Variants in RAB3C observed in about 807,000 individuals in gnomAD.
RAB3C encodes the protein ras-related protein Rab-3C.
In RAB3C, 17 loss-of-function variants were observed where a neutral mutation model predicts 26.4. That is an observed-to-expected ratio of 0.64 (90% CI 0.44 to 0.97). The LOEUF is 0.97. Ranked by LOEUF, RAB3C falls within the 50% of genes least tolerant of loss-of-function variation. The probability of loss-of-function intolerance (pLI) is 0.00; values close to 1 mark genes in which losing one functional copy is unlikely to be tolerated. For synonymous variants in RAB3C, 91 were observed against 95.9 expected (o/e 0.95, Z 0.30); for missense variants, 242 against 281.9 (o/e 0.86, Z 1.01).
At chr5:58,708,261 A>T (rs1334857345) in intron 2 of RAB3C, among the ~76,000 whole-genome samples, 1 of 152,188 alleles carries the variant, frequency 6.6e-6, no homozygotes, top group African/African-American at 2.4e-5. Context: ...AAGTGCTAGG[A>T]TTACAGGCAT....
chr5:58,817,454 C>A (rs1450478457), intron 3 of RAB3C, among the ~76,000 whole-genome samples: 1 of 152,074 alleles, frequency 6.6e-6, no homozygotes, highest in African/African-American at 2.4e-5. Flanking sequence ...CTAAAACTAC[C>A]TATTAGCATT....
chr5:58,694,383 G>A (rs977205157), intron 2 of RAB3C, among the ~76,000 whole-genome samples: 11 of 152,040 alleles, frequency 7.2e-5, no homozygotes, highest in East Asian at 3.9e-4. Context: ...GAATAGTGCC[G>A]CAATAAACAT....
chr5:58,764,402 T>C (rs1053724353), intron 3 of RAB3C, among the ~76,000 whole-genome samples: 2 of 152,206 alleles, frequency 1.3e-5, no homozygotes, highest in African/African-American at 4.8e-5. Flanking sequence ...ACATGATCAC[T>C]TGTGCAATTC....
At chr5:58,590,175 A>G (rs1290417598) in intron 1 of RAB3C, among the ~76,000 whole-genome samples, 2 of 152,132 alleles carry the variant, frequency 1.3e-5, no homozygotes, top group Non-Finnish European at 2.9e-5. Flanking sequence ...TGCATATAAA[A>G]ATTTTTCTAT....
At position 58,626,826 on chromosome 5, in the gene RAB3C, T is replaced by G. The variant is rs190153097; in HGVS notation, c.252+8956T>G. ...TTCTGAAATAGCAAGTAGTAGTACT[T>G]TTTTTGGTAAATAAATTGCCAGTTT... On this transcript the variant is annotated intron_variant, in intron 2 of 4. Transcript: ENST00000282878. 3.9e-5 allele frequency among the ~76,000 whole-genome samples: 6 copies of G among 152,278 alleles called. No homozygotes were observed. The East Asian group carries it at 1.2e-3, about 29-fold the overall frequency.
At chr5:58,823,159 T>G (rs1028874164) in intron 3 of RAB3C, 3 of 362,556 alleles carry the variant, frequency 8.3e-6, no homozygotes, top group African/African-American at 6.4e-5. Context: ...CAGATGAAGA[T>G]GCTTACAAGA....
chr5:58,841,833 C>T (rs114077756), intron 4 of RAB3C, among the ~76,000 whole-genome samples: 408 of 152,270 alleles, frequency 2.7e-3, no homozygotes, highest in African/African-American at 9.1e-3. Context: ...TCAAATCACC[C>T]TATGTGTGTC....
intron 4 of RAB3C, among the ~76,000 whole-genome samples, chr5:58,826,412 T>C (rs903505071): frequency 1.3e-5 from 2 of 152,118 alleles, no homozygotes; most frequent in African/African-American, 4.8e-5. Context: ...TAGCAGAAAG[T>C]TGCAGAACTG....
intron 3 of RAB3C, among the ~76,000 whole-genome samples, chr5:58,791,158 A>G (rs772559688): frequency 2.6e-5 from 4 of 151,938 alleles, no homozygotes; most frequent in Non-Finnish European, 4.4e-5. Context: ...CTGTCCCTCC[A>G]GTTCTTAGTC....
chr5:58,736,509 C>T (rs556493620), intron 3 of RAB3C, among the ~76,000 whole-genome samples: 9 of 152,292 alleles, frequency 5.9e-5, no homozygotes, highest in Admixed American at 2.0e-4. Flanking sequence ...GAGTATACTT[C>T]GGCTTTGCAA....
intron 3 of RAB3C, chr5:58,784,678 G>C (rs1420322452): frequency 1.3e-5 from 2 of 152,164 alleles, no homozygotes; most frequent in African/African-American, 4.8e-5. Context: ...GGAGGGAGGA[G>C]TCAAAAAGAC....
intron 2 of RAB3C, among the ~76,000 whole-genome samples, chr5:58,642,581 C>A (rs138110900): frequency 1.3e-5 from 2 of 152,274 alleles, no homozygotes; most frequent in East Asian, 3.9e-4. Context: ...GTATATTTTT[C>A]CTGTTAGAGA....
chr5:58,778,084 A>G (rs1021721372), intron 3 of RAB3C, among the ~76,000 whole-genome samples: 1 of 152,100 alleles, frequency 6.6e-6, no homozygotes, highest in Non-Finnish European at 1.5e-5. Context: ...AAATTAGAAC[A>G]CTATATTTTT....
intron 2 of RAB3C, among the ~76,000 whole-genome samples, chr5:58,656,451 A>C (rs945179088): frequency 1.3e-5 from 2 of 152,208 alleles, no homozygotes; most frequent in African/African-American, 4.8e-5. Context: ...TAATGTATAC[A>C]TATATCAAAA....
chr5:58,710,258 G>T (rs962690185), intron 2 of RAB3C, among the ~76,000 whole-genome samples: 1 of 152,056 alleles, frequency 6.6e-6, no homozygotes, highest in Non-Finnish European at 1.5e-5. Context: ...CTTATAAAGA[G>T]AAATGTATAT....
intron 2 of RAB3C, among the ~76,000 whole-genome samples, chr5:58,624,596 G>A (rs1747013687): frequency 6.6e-6 from 1 of 152,180 alleles, no homozygotes; most frequent in Admixed American, 6.6e-5. Context: ...TCTTTAATCA[G>A]CTTCATGGAA....
chr5:58,726,236 C>T (rs1740886277), intron 3 of RAB3C, 116 bp downstream of exon 3: 2 of 529,794 alleles, frequency 3.8e-6, no homozygotes, highest in South Asian at 8.1e-5. Flanking sequence ...CATTACACTA[C>T]AATCCCGCTT....
At chr5:58,586,323 T>C (rs1746007538) in intron 1 of RAB3C, among the ~76,000 whole-genome samples, 1 of 152,070 alleles carries the variant, frequency 6.6e-6, no homozygotes, top group Non-Finnish European at 1.5e-5. Flanking sequence ...GCCAGATCTC[T>C]CTGTCTGGAA....
At chr5:58,818,530 G>A (rs746914752) in intron 3 of RAB3C, among the ~76,000 whole-genome samples, 2 of 152,140 alleles carry the variant, frequency 1.3e-5, no homozygotes, top group Non-Finnish European at 2.9e-5. Flanking sequence ...TAGCTAAATG[G>A]CAAGTAAATA....
Sources: gnomAD v4.1 joint callset for allele counts (sites outside exome capture counted in the v4.1 genomes callset) on GRCh38, gnomAD v4.1.1 for gene constraint, MANE v1.5 for transcripts, NCBI Gene and HGNC (gene_info 2026-07-23, HGNC 2026-07-21) for gene names.